Variants in NCKAP5 observed in about 807,000 individuals in gnomAD.
The protein encoded by NCKAP5 is NCK associated protein 5.
Under a neutral mutation model 167.0 loss-of-function variants are expected in NCKAP5, and 92 were observed. The observed-to-expected ratio is 0.55, with a 90% CI of 0.47 to 0.66. The LOEUF is 0.66. Ranked by LOEUF, NCKAP5 falls within the 30% of genes least tolerant of loss-of-function variation. The pLI, the probability that NCKAP5 is intolerant of heterozygous loss-of-function variation, is 0.00. For missense variants in NCKAP5, 2,378 were observed against 2,315.0 expected (o/e 1.03, Z -0.56); for synonymous variants, 891 against 877.4 (o/e 1.02, Z -0.27).
intron 5 of NCKAP5, among the ~76,000 whole-genome samples, chr2:133,200,046 GC>G (rs2150116825): frequency 8.6e-6 from 1 of 116,262 alleles, no homozygotes; most frequent in Non-Finnish European, 1.8e-5. Flanking sequence ...ATCCCAGTTG[GC>G]TTTTTTTTTC....
intron 7 of NCKAP5, among the ~76,000 whole-genome samples, chr2:132,964,830 G>GT (rs954919172): frequency 6.6e-6 from 1 of 151,240 alleles, no homozygotes; most frequent in Non-Finnish European, 1.5e-5. Context: ...AGCACAAAAC[G>GT]TATCATTCTT....
intron 19 of NCKAP5, among the ~76,000 whole-genome samples, chr2:132,682,296 C>T (rs759436613): frequency 2.0e-5 from 3 of 152,116 alleles, no homozygotes; most frequent in Non-Finnish European, 2.9e-5. Context: ...TGCTTCCGTT[C>T]CAGATTCCAT....
At chr2:133,025,541 G>A (rs534840018) in intron 6 of NCKAP5, among the ~76,000 whole-genome samples, 2 of 152,174 alleles carry the variant, frequency 1.3e-5, no homozygotes, top group Admixed American at 6.5e-5. Context: ...ACTGTTGGGT[G>A]CTGTGGGTAG....
intron 12 of NCKAP5, 133 bp from the exon 13 acceptor site, chr2:132,790,338 T>TG (rs1238559007): frequency 3.9e-6 from 3 of 774,034 alleles, no homozygotes; most frequent in Non-Finnish European, 6.1e-6. Context: ...GATAAACCCA[T>TG]GGTAACTGGA....
At chr2:133,661,454 C>G in the NCKAP5 span, among the ~76,000 whole-genome samples, 2 of 152,088 alleles carry the variant, frequency 1.3e-5, no homozygotes, top group African/African-American at 2.4e-5. Flanking sequence ...AAATTTTCAG[C>G]CTTCTTTTGA....
intron 5 of NCKAP5, among the ~76,000 whole-genome samples, chr2:133,195,014 T>C (rs1343646584): frequency 1.3e-5 from 2 of 152,048 alleles, no homozygotes; most frequent in Non-Finnish European, 2.9e-5. Context: ...TACAGGCATA[T>C]AAGATGCTGA....
intron 3 of NCKAP5, among the ~76,000 whole-genome samples, chr2:133,366,371 T>C (rs1307485185): frequency 6.6e-6 from 1 of 152,188 alleles, no homozygotes; most frequent in Non-Finnish European, 1.5e-5. Flanking sequence ...GGTGCAATCT[T>C]GGCTCACTGT....
At chr2:132,986,648 T>C (rs1257961314) in intron 7 of NCKAP5, among the ~76,000 whole-genome samples, 1 of 152,198 alleles carries the variant, frequency 6.6e-6, no homozygotes, top group African/African-American at 2.4e-5. Flanking sequence ...ACTAAAGATA[T>C]TGCTATTTAA....
At chr2:133,221,881 T>C (rs534049851) in intron 4 of NCKAP5, among the ~76,000 whole-genome samples, 4 of 152,348 alleles carry the variant, frequency 2.6e-5, no homozygotes, top group African/African-American at 9.6e-5. Flanking sequence ...TTGAATGCAA[T>C]GCTGTTAGAC....
At chr2:133,164,328 A>G (rs901801472) in intron 5 of NCKAP5, among the ~76,000 whole-genome samples, 9 of 152,200 alleles carry the variant, frequency 5.9e-5, no homozygotes, top group African/African-American at 1.9e-4. Context: ...GGAAGAGGAA[A>G]GATGATAGAA....
At chr2:133,594,893 CAT>C in the NCKAP5 span, among the ~76,000 whole-genome samples, 4 of 152,154 alleles carry the variant, frequency 2.6e-5, no homozygotes, top group African/African-American at 7.2e-5. Context: ...CACATTCATT[CAT>C]TCATTCATTC....
At chr2:132,821,376 G>A (rs1417878273) in intron 11 of NCKAP5, among the ~76,000 whole-genome samples, 1 of 151,672 alleles carries the variant, frequency 6.6e-6, no homozygotes, top group Admixed American at 6.6e-5. Context: ...TGCCTTGAAC[G>A]CACTCCCAGC....
intron 19 of NCKAP5, among the ~76,000 whole-genome samples, chr2:132,687,908 C>T (rs1686177678): frequency 6.6e-6 from 1 of 152,142 alleles, no homozygotes. Context: ...CCAACTAGAA[C>T]AGAAATGGAG....
intron 8 of NCKAP5, among the ~76,000 whole-genome samples, chr2:132,902,712 C>T (rs1178774445): frequency 6.6e-6 from 1 of 152,200 alleles, no homozygotes; most frequent in African/African-American, 2.4e-5. Context: ...TGATGTCTTA[C>T]CAAGAAGCTG....
intron 8 of NCKAP5, among the ~76,000 whole-genome samples, chr2:132,916,764 A>C (rs1200220064): frequency 6.6e-6 from 1 of 152,012 alleles, no homozygotes; most frequent in Non-Finnish European, 1.5e-5. Context: ...TCATCACTAC[A>C]ATTTTACTGT....
chr2:132,783,243 G>T lies in NCKAP5; in HGVS notation c.3568C>A (p.Pro1190Thr). 1 of 1,613,934 alleles carries T rather than the reference G, an allele frequency of 6.2e-7. No individual in the cohort carries two copies. The highest frequency in any genetic ancestry group is 1.1e-5 in the South Asian group (1 of 91,078). Residue 1190 changes from proline to threonine, a missense_variant, in exon 14 of 20, where the codon CCA becomes ACA. This residue lies in a region of NCKAP5 where 1,325 missense variants were observed against 1,274.5 expected (regional missense o/e 1.04). Transcript: ENST00000409261. ...CTTGCTGGATTCTTGGAGTCCTCTG[G>T]CTTAGACTTGTTCACAGCCACGGAA... The part of the protein sequence containing the change: ...KSSVAVNKSK[P>T]EDSKNPASME...
At chr2:133,447,068 C>T (rs76341647) in intron 3 of NCKAP5, among the ~76,000 whole-genome samples, 199 of 152,212 alleles carry the variant, frequency 1.3e-3, no homozygotes, top group Middle Eastern at 0.01. Context: ...TGACTCTATG[C>T]GTGGTGGAAA....
intron 19 of NCKAP5, among the ~76,000 whole-genome samples, chr2:132,680,869 C>T (rs996861236): frequency 6.6e-6 from 1 of 152,276 alleles, no homozygotes; most frequent in East Asian, 1.9e-4. Flanking sequence ...CTGATGTTAG[C>T]GTCATCATTT....
At chr2:133,304,776 A>G (rs1383723577) in intron 3 of NCKAP5, among the ~76,000 whole-genome samples, 1 of 152,250 alleles carries the variant, frequency 6.6e-6, no homozygotes, top group African/African-American at 2.4e-5. Flanking sequence ...TACAGTAATC[A>G]TCAAGAGGGG....
Sources: gnomAD v4.1 joint callset for allele counts (sites outside exome capture counted in the v4.1 genomes callset) on GRCh38, gnomAD v4.1.1 for gene constraint, gnomAD v4.1.1 regional missense constraint, MANE v1.5 for transcripts, NCBI Gene and HGNC (gene_info 2026-07-23, HGNC 2026-07-21) for gene names.